Variants in ASXL3 observed in about 807,000 individuals in gnomAD.
The protein encoded by ASXL3 is putative Polycomb group protein ASXL3.
Under a neutral mutation model 170.6 loss-of-function variants are expected in ASXL3, and 34 were observed. The observed-to-expected ratio is 0.20, with a 90% CI of 0.15 to 0.27. The LOEUF is 0.27. Among genes scored for constraint, ASXL3 ranks in the 10% least tolerant of loss-of-function variants. The probability of loss-of-function intolerance (pLI) is 1.00; values close to 1 mark genes in which losing one functional copy is unlikely to be tolerated. For synonymous variants in ASXL3, 1,002 were observed against 989.1 expected (o/e 1.01, Z -0.24); for missense variants, 2,592 against 2,695.3 (o/e 0.96, Z 0.85).
Position 33,671,765 on chromosome 18 carries a change from G to C in ASXL3, c.614G>C (p.Gly205Ala), listed in dbSNP as rs544353005. 10 of 1,607,354 alleles carry C rather than the reference G, an allele frequency of 6.2e-6. No individual in the cohort carries two copies. The highest frequency in any genetic ancestry group is 8.5e-6 in the Non-Finnish European group (10 of 1,176,300). The change falls in exon 7 of 12, where the codon GGT becomes GCT. Residue 205 changes from glycine (G) to alanine (A), a missense_variant. Coordinates refer to ENST00000269197, the MANE Select transcript of ASXL3 (RefSeq NM_030632.3). The stretch of plus-strand genomic sequence containing the variant: ...TTTTTAGGATCTGAATCTAAAAATG[G>C]TGAAGCAGACAGTTCAGATAAAGAA... ...DSPSGSESKNGEADSSDKEMK... is the reference protein window; with the variant it reads ...DSPSGSESKNAEADSSDKEMK...
intron 4 of ASXL3, among the ~76,000 whole-genome samples, chr18:33,661,161 A>G (rs1034312715): frequency 3.3e-5 from 5 of 152,192 alleles, no homozygotes; most frequent in African/African-American, 1.2e-4. Context: ...CAGATTCTAT[A>G]GTAGTAAGGC....
intron 1 of ASXL3, among the ~76,000 whole-genome samples, chr18:33,590,111 GTTTTTT>G (rs567969303): frequency 7.5e-4 from 62 of 83,184 alleles, no homozygotes; most frequent in Middle Eastern, 5.5e-3. Flanking sequence ...TGCTTTCTAT[GTTTTTT>G]TTTTTTTTTT....
At chr18:33,605,784 A>G (rs1456082261) in intron 1 of ASXL3, 4 of 151,874 alleles carry the variant, frequency 2.6e-5, no homozygotes, top group African/African-American at 9.7e-5. Flanking sequence ...GTTCAGCTCA[A>G]TTTTCCTCCT....
intron 2 of ASXL3, among the ~76,000 whole-genome samples, chr18:33,619,301 A>G (rs2065473956): frequency 6.6e-6 from 1 of 151,652 alleles, no homozygotes; most frequent in South Asian, 2.1e-4. Flanking sequence ...TCGAGTAAAC[A>G]CTCCCCTACT....
rs1315284018 is a variant in ASXL3, at chr18:33,578,698, C to G, written c.54+13C>G. ...GGCTGCCCGCCTGGTACGTACCGCC[C>G]CCCACACGCCGCCCGCGCCTCCCGC... On this transcript the variant is annotated intron_variant, in intron 1 of 11. Coordinates refer to ENST00000269197, the MANE Select transcript of ASXL3 (RefSeq NM_030632.3). The G allele has an allele frequency of 7.9e-7, 1 of 1,262,066 alleles. No individual in the cohort carries two copies. The highest frequency in any genetic ancestry group is 1.6e-5 in the African/African-American group (1 of 63,858). The allele number at this position is 1,262,066 out of a possible 1,614,324, so 78.2% of individuals were successfully genotyped here.
At chr18:33,632,642 A>G (rs1015689932) in intron 2 of ASXL3, among the ~76,000 whole-genome samples, 2 of 152,180 alleles carry the variant, frequency 1.3e-5, no homozygotes, top group South Asian at 2.1e-4. Context: ...AAGCAACAAG[A>G]AAAAACCAGC....
intron 8 of ASXL3, among the ~76,000 whole-genome samples, chr18:33,714,853 T>C (rs992628179): frequency 1.3e-5 from 2 of 152,222 alleles, no homozygotes; most frequent in Non-Finnish European, 2.9e-5. Context: ...ATTAGTGTTA[T>C]CTTGAATCCA....
At chr18:33,722,041 A>ACC (rs1295506695) in intron 8 of ASXL3, among the ~76,000 whole-genome samples, 3 of 152,132 alleles carry the variant, frequency 2.0e-5, no homozygotes, top group South Asian at 2.1e-4. Flanking sequence ...GGTACCACAA[A>ACC]CCATGCCCTC....
At chr18:33,702,707 A>C (rs1302976490) in intron 8 of ASXL3, among the ~76,000 whole-genome samples, 1 of 152,176 alleles carries the variant, frequency 6.6e-6, no homozygotes, top group Non-Finnish European at 1.5e-5. Context: ...TTCAGTGGTC[A>C]CAGTAAAATT....
At chr18:33,617,340 A>T (rs190691509) in intron 2 of ASXL3, among the ~76,000 whole-genome samples, 18 of 152,040 alleles carry the variant, frequency 1.2e-4, no homozygotes, top group African/African-American at 3.9e-4. Flanking sequence ...AAAATACAAA[A>T]ATTTGCATGA....
intron 2 of ASXL3, among the ~76,000 whole-genome samples, chr18:33,612,768 C>G (rs1241672056): frequency 1.3e-5 from 2 of 152,066 alleles, no homozygotes; most frequent in Non-Finnish European, 2.9e-5. Flanking sequence ...GGAGATGATT[C>G]TTTCTTGCCG....
intron 2 of ASXL3, among the ~76,000 whole-genome samples, chr18:33,634,820 A>G (rs1467980893): frequency 6.6e-6 from 1 of 152,212 alleles, no homozygotes; most frequent in African/African-American, 2.4e-5. Flanking sequence ...CGAGCACTCA[A>G]ACCTGGCAAG....
chr18:33,710,145 A>T (rs1373611500), intron 8 of ASXL3, among the ~76,000 whole-genome samples: 2 of 152,126 alleles, frequency 1.3e-5, no homozygotes, highest in African/African-American at 4.8e-5. Flanking sequence ...AATCCCAGCT[A>T]CTCAGGAGGC....
At chr18:33,731,737 C>G (rs2067449838) in intron 8 of ASXL3, among the ~76,000 whole-genome samples, 1 of 152,090 alleles carries the variant, frequency 6.6e-6, no homozygotes, top group Non-Finnish European at 1.5e-5. Flanking sequence ...TAGTATTCAT[C>G]CCAGGAGACC....
intron 2 of ASXL3, among the ~76,000 whole-genome samples, chr18:33,629,737 A>G (rs2065650607): frequency 6.6e-6 from 1 of 152,070 alleles, no homozygotes; most frequent in South Asian, 2.1e-4. Context: ...GTTTATAGAT[A>G]CATTTCTCCT....
At chr18:33,692,985 C>T (rs1386628250) in intron 8 of ASXL3, among the ~76,000 whole-genome samples, 1 of 152,160 alleles carries the variant, frequency 6.6e-6, no homozygotes, top group Non-Finnish European at 1.5e-5. Context: ...CCTGAGGCCT[C>T]TCTCCTTGGC....
chr18:33,740,588 C>T, intron 11 of ASXL3, 145 bp downstream of exon 11: 2 of 818,852 alleles, frequency 2.4e-6, no homozygotes, highest in Admixed American at 3.2e-5. Flanking sequence ...AAATGATCCT[C>T]TTTATGACTA....
chr18:33,609,281 C>T (rs908736221), intron 2 of ASXL3, among the ~76,000 whole-genome samples: 2 of 151,914 alleles, frequency 1.3e-5, no homozygotes, highest in African/African-American at 2.4e-5. Flanking sequence ...GGCTAAAAAT[C>T]TAAGGATGTC....
intron 1 of ASXL3, among the ~76,000 whole-genome samples, chr18:33,584,880 ATG>A (rs149103064): frequency 5.3e-5 from 8 of 151,372 alleles, no homozygotes; most frequent in Non-Finnish European, 1.2e-4. Flanking sequence ...TTGTGTATAT[ATG>A]TGTGTGTGTG....
Sources: gnomAD v4.1 joint callset for allele counts (sites outside exome capture counted in the v4.1 genomes callset) on GRCh38, gnomAD v4.1.1 for gene constraint, MANE v1.5 for transcripts, NCBI Gene and HGNC (gene_info 2026-07-23, HGNC 2026-07-21) for gene names.